TENM2: variants seen among roughly 807,000 people sequenced by gnomAD.
TENM2 encodes the protein teneurin transmembrane protein 2.
Under a neutral mutation model 245.2 loss-of-function variants are expected in TENM2, and 52 were observed. The ratio of observed to expected loss-of-function variants is 0.21; its 90% CI spans 0.17 to 0.27. The LOEUF (loss-of-function observed/expected upper bound fraction) is 0.27. Among genes scored for constraint, TENM2 ranks in the 10% least tolerant of loss-of-function variants. The probability of loss-of-function intolerance (pLI) is 1.00; values close to 1 mark genes in which losing one functional copy is unlikely to be tolerated. For synonymous variants in TENM2, 1,363 were observed against 1,438.9 expected (o/e 0.95, Z 1.19); for missense variants, 3,046 against 3,666.8 (o/e 0.83, Z 4.37).
chr5:168,065,788 A>G (rs577266646), intron 7 of TENM2, among the ~76,000 whole-genome samples: 126 of 152,060 alleles, frequency 8.3e-4, no homozygotes, highest in Non-Finnish European at 1.0e-3. Context: ...TTTTGTTATA[A>G]TAAAATGTAT....
chr5:167,650,513 A>G (rs1267195252), intron 2 of TENM2, among the ~76,000 whole-genome samples: 1 of 152,124 alleles, frequency 6.6e-6, no homozygotes, highest in East Asian at 1.9e-4. Flanking sequence ...GGGCTTTAAG[A>G]CTCATTATGA....
chr5:167,858,770 G>C (rs1457861914), intron 2 of TENM2, among the ~76,000 whole-genome samples: 6 of 150,756 alleles, frequency 4.0e-5, no homozygotes, highest in Admixed American at 1.3e-4. Context: ...GGAGTTCAGC[G>C]GGCAGCGGAG....
chr5:167,637,712 A>T (rs1779293979), intron 2 of TENM2, among the ~76,000 whole-genome samples: 2 of 152,164 alleles, frequency 1.3e-5, no homozygotes, highest in Admixed American at 1.3e-4. Flanking sequence ...TTAACACAGG[A>T]ACAGAAAACC....
chr5:167,046,076 C>T, the TENM2 span, among the ~76,000 whole-genome samples: 4 of 152,078 alleles, frequency 2.6e-5, no homozygotes, highest in African/African-American at 4.8e-5. Flanking sequence ...CTGATATAGC[C>T]ACTTACTGTC....
intron 13 of TENM2, among the ~76,000 whole-genome samples, chr5:168,169,369 T>G (rs1247544952): frequency 6.6e-6 from 1 of 152,200 alleles, no homozygotes; most frequent in East Asian, 1.9e-4. Context: ...GCTCGGTTCC[T>G]TGGTTCACTC....
intron 13 of TENM2, among the ~76,000 whole-genome samples, chr5:168,178,397 G>C (rs868286669): frequency 6.6e-5 from 10 of 152,166 alleles, no homozygotes; most frequent in Admixed American, 3.9e-4. Flanking sequence ...GGAAATCAGA[G>C]GCCAAGAGCA....
At chr5:167,055,426 C>G in the TENM2 span, among the ~76,000 whole-genome samples, 2 of 152,132 alleles carry the variant, frequency 1.3e-5, no homozygotes, top group Middle Eastern at 6.8e-3. Context: ...CATTGCCACA[C>G]AGTCTCAATT....
intron 3 of TENM2, among the ~76,000 whole-genome samples, chr5:167,894,620 C>T (rs1775026198): frequency 6.6e-6 from 1 of 152,132 alleles, no homozygotes; most frequent in Non-Finnish European, 1.5e-5. Flanking sequence ...GATACCCCTG[C>T]CCCATCCAAA....
At chr5:167,256,054 C>G in the TENM2 span, among the ~76,000 whole-genome samples, 1 of 152,088 alleles carries the variant, frequency 6.6e-6, no homozygotes, top group African/African-American at 2.4e-5. Context: ...TCTTTATTCC[C>G]GTTCATTATG....
chr5:167,056,198 A>G, the TENM2 span, among the ~76,000 whole-genome samples: 1 of 151,860 alleles, frequency 6.6e-6, no homozygotes, highest in East Asian at 1.9e-4. Context: ...CTGTTGGTTG[A>G]TGGATTATGT....
chr5:167,674,930 G>GA (rs758529880), intron 2 of TENM2, among the ~76,000 whole-genome samples: 5 of 152,030 alleles, frequency 3.3e-5, no homozygotes, highest in Non-Finnish European at 7.4e-5. Flanking sequence ...TCTAGCCCCA[G>GA]ACAACTCCAA....
the TENM2 span, among the ~76,000 whole-genome samples, chr5:167,213,102 T>C: frequency 9.5e-4 from 144 of 152,352 alleles, no homozygotes; most frequent in African/African-American, 3.4e-3. Context: ...TACTTAGTAA[T>C]TTCAAATACC....
At chr5:166,999,334 G>A in the TENM2 span, among the ~76,000 whole-genome samples, 1 of 152,274 alleles carries the variant, frequency 6.6e-6, no homozygotes, top group African/African-American at 2.4e-5. Context: ...TATGGTTTGA[G>A]CACTAAGTAA....
At chr5:167,775,998 T>C (rs971695679) in intron 2 of TENM2, among the ~76,000 whole-genome samples, 3 of 152,118 alleles carry the variant, frequency 2.0e-5, no homozygotes, top group African/African-American at 7.2e-5. Context: ...CAAAGAGGGT[T>C]GGTTAAATAT....
intron 2 of TENM2, among the ~76,000 whole-genome samples, chr5:167,560,811 A>G (rs1291117754): frequency 6.6e-6 from 1 of 152,158 alleles, no homozygotes; most frequent in Non-Finnish European, 1.5e-5. Context: ...CCCCACCTCA[A>G]CTTTAAAAAA....
At chr5:168,203,811 C>T in exon 18 of TENM2, 2 of 1,612,172 alleles carry the variant, frequency 1.2e-6, no homozygotes. Context: ...AGACAAACAC[C>T]ACATCCTCAA....
intron 2 of TENM2, among the ~76,000 whole-genome samples, chr5:167,445,369 A>AGAGAGAGAGAGTGT (rs35699708): frequency 1.4e-4 from 14 of 98,604 alleles, no homozygotes; most frequent in Admixed American, 1.3e-3. Context: ...AGAGAGAGAG[A>AGAGAGAGAGAGTGT]GTGTCAGGTG....
chr5:167,487,688 G>T (rs1433902017), intron 2 of TENM2, among the ~76,000 whole-genome samples: 1 of 151,984 alleles, frequency 6.6e-6, no homozygotes, highest in Non-Finnish European at 1.5e-5. Context: ...AAATCTTTTG[G>T]CTGGTTAAGT....
intron 2 of TENM2, among the ~76,000 whole-genome samples, chr5:167,837,280 G>A (rs995486593): frequency 6.6e-6 from 1 of 152,052 alleles, no homozygotes; most frequent in Admixed American, 6.5e-5. Flanking sequence ...CTGAAAGAGT[G>A]AGCCACCCTG....
Sources: gnomAD v4.1 joint callset for allele counts (sites outside exome capture counted in the v4.1 genomes callset) on GRCh38, gnomAD v4.1.1 for gene constraint, MANE v1.5 for transcripts, NCBI Gene and HGNC (gene_info 2026-07-23, HGNC 2026-07-21) for gene names.